The following DPP6 variants were observed in gnomAD, a reference collection of about 807,000 sequenced individuals.
DPP6 encodes A-type potassium channel modulatory protein DPP6.
In DPP6, 69 loss-of-function variants were observed where a neutral mutation model predicts 122.6. The observed-to-expected ratio is 0.56, with a 90% CI of 0.46 to 0.69. The LOEUF is 0.69. Ranked by LOEUF, DPP6 falls within the 30% of genes least tolerant of loss-of-function variation. DPP6 has a pLI of 0.00. For missense variants in DPP6, 928 were observed against 1,116.9 expected (o/e 0.83, Z 2.41); for synonymous variants, 418 against 433.1 (o/e 0.97, Z 0.43).
intron 17 of DPP6, among the ~76,000 whole-genome samples, chr7:154,864,316 G>C (rs958947920): frequency 1.3e-5 from 2 of 152,148 alleles, no homozygotes; most frequent in African/African-American, 4.8e-5. Flanking sequence ...CGGGCCACTT[G>C]GAAGCATGTC....
At chr7:154,778,555 AC>A (rs202168490) in intron 10 of DPP6, among the ~76,000 whole-genome samples, 5,534 of 138,572 alleles carry the variant, frequency 0.04, 167 homozygotes, top group Non-Finnish European at 0.063. Flanking sequence ...TGGCTTGAGC[AC>A]CCCCCCCCAA....
chr7:154,555,342 C>T (rs1048456384), intron 4 of DPP6, among the ~76,000 whole-genome samples: 1 of 152,086 alleles, frequency 6.6e-6, no homozygotes, highest in Admixed American at 6.6e-5. Flanking sequence ...TGGAAACCAT[C>T]ATTCCCAGCA....
chr7:154,649,855 A>G (rs1586809740), intron 6 of DPP6, among the ~76,000 whole-genome samples: 1 of 152,192 alleles, frequency 6.6e-6, no homozygotes, highest in African/African-American at 2.4e-5. Context: ...CTCCCCATGG[A>G]GCGGATTCCA....
chr7:154,002,540 A>G (rs1297087231), intron 1 of DPP6, among the ~76,000 whole-genome samples: 3 of 152,170 alleles, frequency 2.0e-5, no homozygotes, highest in South Asian at 2.1e-4. Context: ...TCTCTAAACT[A>G]TTGGGAAACC....
intron 1 of DPP6, among the ~76,000 whole-genome samples, chr7:154,402,760 TA>T (rs908543771): frequency 6.7e-6 from 1 of 148,702 alleles, no homozygotes; most frequent in Admixed American, 6.7e-5. Flanking sequence ...CTAATAAATT[TA>T]AAAAAAAGAA....
intron 1 of DPP6, among the ~76,000 whole-genome samples, chr7:154,011,972 G>GGTGTTTT (rs1798172773): frequency 2.0e-5 from 3 of 152,180 alleles, no homozygotes; most frequent in Admixed American, 2.0e-4. Flanking sequence ...CAAAATGATA[G>GGTGTTTT]AACAATAACA....
At chr7:154,402,742 G>A (rs180955507) in intron 1 of DPP6, among the ~76,000 whole-genome samples, 4,489 of 149,894 alleles carry the variant, frequency 0.03, 109 homozygotes, top group Non-Finnish European at 0.039. Flanking sequence ...AAAACTTAAA[G>A]TATAATACTA....
chr7:154,812,702 TG>T (rs931283120), intron 16 of DPP6, among the ~76,000 whole-genome samples: 2 of 152,114 alleles, frequency 1.3e-5, no homozygotes, highest in Non-Finnish European at 2.9e-5. Context: ...TGTATAAATG[TG>T]GGGGGGACAT....
intron 16 of DPP6, among the ~76,000 whole-genome samples, chr7:154,816,852 G>A (rs986861112): frequency 1.1e-4 from 17 of 152,250 alleles, no homozygotes; most frequent in Admixed American, 9.8e-4. Context: ...AGCGGCCATG[G>A]ATGCCAGAGC....
At chr7:154,890,022 T>C (rs1008311307) in intron 25 of DPP6, 5 of 158,996 alleles carry the variant, frequency 3.1e-5, no homozygotes, top group African/African-American at 4.8e-5. Context: ...GAAAGAGGGG[T>C]ACCCTTCCCA....
chr7:154,496,770 G>A (rs1023514149), intron 3 of DPP6, among the ~76,000 whole-genome samples: 2 of 152,212 alleles, frequency 1.3e-5, no homozygotes, highest in South Asian at 2.1e-4. Flanking sequence ...AAACAGGATC[G>A]AGGCCTTCCT....
chr7:154,665,016 C>T (rs1410827461), intron 6 of DPP6, among the ~76,000 whole-genome samples: 1 of 152,182 alleles, frequency 6.6e-6, no homozygotes, highest in African/African-American at 2.4e-5. Flanking sequence ...GGACCCCATG[C>T]TGCCTTTAGA....
intron 1 of DPP6, among the ~76,000 whole-genome samples, chr7:154,336,973 C>T (rs1305207888): frequency 1.3e-5 from 2 of 152,202 alleles, no homozygotes; most frequent in Non-Finnish European, 2.9e-5. Context: ...AGGGACAACC[C>T]TGTCTTTCCC....
intron 1 of DPP6, among the ~76,000 whole-genome samples, chr7:154,436,466 C>G (rs141556924): frequency 9.2e-5 from 14 of 152,190 alleles, no homozygotes; most frequent in African/African-American, 2.7e-4. Context: ...GCCCACTGCC[C>G]CACCTCACAG....
At chr7:154,611,626 T>G (rs1180286210) in intron 5 of DPP6, among the ~76,000 whole-genome samples, 1 of 152,190 alleles carries the variant, frequency 6.6e-6, no homozygotes, top group East Asian at 1.9e-4. Flanking sequence ...CTTCTAATAG[T>G]GCTAACACTT....
At chr7:154,464,704 T>C (rs1821635701) in intron 2 of DPP6, among the ~76,000 whole-genome samples, 1 of 152,244 alleles carries the variant, frequency 6.6e-6, no homozygotes, top group Non-Finnish European at 1.5e-5. Flanking sequence ...CTATTGATAT[T>C]GGGACCATGA....
At chr7:154,559,287 C>T (rs113785433) in intron 4 of DPP6, among the ~76,000 whole-genome samples, 3,533 of 143,240 alleles carry the variant, frequency 0.025, 77 homozygotes, top group African/African-American at 0.039. Flanking sequence ...AAAAAAAAAC[C>T]CCTAAATTGT....
At chr7:154,847,594 T>G (rs1412327208) in intron 16 of DPP6, among the ~76,000 whole-genome samples, 3 of 152,232 alleles carry the variant, frequency 2.0e-5, no homozygotes, top group Non-Finnish European at 4.4e-5. Context: ...TATATACATA[T>G]ATACATTGTG....
intron 1 of DPP6, among the ~76,000 whole-genome samples, chr7:153,988,615 C>T (rs1796965744): frequency 6.6e-6 from 1 of 152,218 alleles, no homozygotes; most frequent in African/African-American, 2.4e-5. Flanking sequence ...GGGGGATGCT[C>T]CCACTGAGGA....
Sources: gnomAD v4.1 joint callset for allele counts (sites outside exome capture counted in the v4.1 genomes callset) on GRCh38, gnomAD v4.1.1 for gene constraint, MANE v1.5 for transcripts, NCBI Gene and HGNC (gene_info 2026-07-23, HGNC 2026-07-21) for gene names.